Variants in TYW1 observed in about 807,000 individuals in gnomAD.
The protein encoded by TYW1 is tRNA-yW synthesizing protein 1 homolog, also known as S-adenosyl-L-methionine-dependent tRNA 4-demethylwyosine synthase TYW1.
In TYW1, 46 loss-of-function variants were observed where a neutral mutation model predicts 96.2. The observed-to-expected ratio is 0.48, with a 90% CI of 0.38 to 0.61. The LOEUF is 0.61. Among genes scored for constraint, TYW1 ranks in the 20% least tolerant of loss-of-function variants. TYW1 has a pLI of 0.00. For missense variants in TYW1, 684 were observed against 909.6 expected, an observed-to-expected ratio of 0.75 and a Z score of 3.19; for synonymous variants, 274 against 323.0, an observed-to-expected ratio of 0.85 and a Z score of 1.63.
At chr7:67,204,888 A>G (rs36005420) in intron 15 of TYW1, among the ~76,000 whole-genome samples, 2,129 of 152,208 alleles carry the variant, frequency 0.014, 49 homozygotes, top group African/African-American at 0.049. Flanking sequence ...CGCCCAGCCA[A>G]CTTTCTATTT....
chr7:67,059,961 C>G (rs901773235), intron 9 of TYW1, among the ~76,000 whole-genome samples: 1 of 151,808 alleles, frequency 6.6e-6, no homozygotes, highest in African/African-American at 2.4e-5. Flanking sequence ...TTAGTAGAGA[C>G]AGGGTTTCAC....
In TYW1 at chr7:67,062,566, C is replaced by CAAAAAAAAAAAAA. The variant is rs56770876; in HGVS notation, c.1156-4716_1156-4704dup. On this transcript the variant is annotated intron_variant, in intron 9 of 15. Coordinates refer to ENST00000359626, the MANE Select transcript of TYW1 (RefSeq NM_018264.4). ...TGGGTGACAGAGCGAGACTCCGTCTCAAAAAAAAAAAAAAAGAAAAGAAAA... is the reference window on the plus strand; with the variant it reads ...TGGGTGACAGAGCGAGACTCCGTCTCAAAAAAAAAAAAAAAAAAAAAAAAAAAAGAAAAGAAAA... Among the ~76,000 whole-genome samples the CAAAAAAAAAAAAA allele has an allele frequency of 2.1e-3, 190 of 89,040 alleles. 2 individuals are homozygous for CAAAAAAAAAAAAA. Among genetic ancestry groups the CAAAAAAAAAAAAA allele is most frequent in the African/African-American group, 3.9e-3 (86 of 22,240 alleles). The allele number at this position is 89,040 out of a possible 152,430, so 58.4% of individuals were successfully genotyped here.
At chr7:67,204,557 C>CTCT (rs1563070097) in intron 15 of TYW1, among the ~76,000 whole-genome samples, 1 of 137,708 alleles carries the variant, frequency 7.3e-6, no homozygotes, top group Admixed American at 7.4e-5. Flanking sequence ...TCTTCTTCTT[C>CTCT]TTCTTTCTTC....
In TYW1 at chr7:67,014,432, T is replaced by C; in HGVS notation, c.441T>C (p.Ser147=). 3 of 1,613,984 alleles carry C rather than the reference T, an allele frequency of 1.9e-6. No individual in the cohort carries two copies. Among genetic ancestry groups the C allele is most frequent in the South Asian group, 2.2e-5 (2 of 91,078 alleles). Residue 147 remains serine, a synonymous_variant, in exon 5 of 16, where the codon AGT becomes AGC. Coordinates refer to ENST00000359626, the MANE Select transcript of TYW1 (RefSeq NM_018264.4). The stretch of plus-strand genomic sequence containing the variant: ...ACACTGACGGCCTACCAACTGAAAG[T>C]GCAGAGTGGTTCTGCAAATGGTTAG... The part of the protein sequence containing the change: ...ATYTDGLPTE[S]AEWFCKWLEE...
intron 13 of TYW1, among the ~76,000 whole-genome samples, chr7:67,119,211 C>A (rs6951192): frequency 1.3e-5 from 2 of 151,572 alleles, no homozygotes; most frequent in East Asian, 3.9e-4. Flanking sequence ...GACAATCACC[C>A]CAGGAGCTTA....
chr7:67,096,647 TG>T (rs369202714), intron 11 of TYW1, among the ~76,000 whole-genome samples: 6,061 of 150,936 alleles, frequency 0.04, 179 homozygotes, highest in Middle Eastern at 0.1. Flanking sequence ...ACTTGTGTCA[TG>T]GGGGTTTGTT....
chr7:67,110,534 A>C (rs1797371010), intron 12 of TYW1, among the ~76,000 whole-genome samples: 1 of 152,266 alleles, frequency 6.6e-6, no homozygotes, highest in African/African-American at 2.4e-5. Flanking sequence ...TTCAGTGGCC[A>C]AACACAACAA....
At chr7:67,098,838 G>A in intron 12 of TYW1, 120 bp downstream of exon 12, 7 of 1,159,774 alleles carry the variant, frequency 6.0e-6, no homozygotes, top group Non-Finnish European at 8.3e-6. Context: ...TACAAATGTT[G>A]GGCTTTGGGA....
At chr7:67,178,182 G>C (rs2116286008) in intron 13 of TYW1, among the ~76,000 whole-genome samples, 1 of 151,480 alleles carries the variant, frequency 6.6e-6, no homozygotes, top group South Asian at 2.1e-4. Context: ...AAAAAAAACA[G>C]GAGGTGGGGA....
At chr7:67,083,297 T>C (rs1365608085) in intron 10 of TYW1, 133 bp from the exon 11 acceptor site, 16 of 760,800 alleles carry the variant, frequency 2.1e-5, no homozygotes, top group Non-Finnish European at 3.4e-5. Flanking sequence ...AAAATACCAC[T>C]ATACATGGTT....
intron 10 of TYW1, among the ~76,000 whole-genome samples, chr7:67,083,150 T>C (rs1796437553): frequency 2.0e-5 from 3 of 152,194 alleles, no homozygotes; most frequent in Non-Finnish European, 2.9e-5. Context: ...ACAGTTAACA[T>C]GGTTAAAGCA....
In TYW1 at chr7:67,187,146, C is replaced by T. The variant is rs1019341601; in HGVS notation, c.1809+3910C>T. The stretch of plus-strand genomic sequence containing the variant: ...TGGCACAATCTCGGTTCACTGCAAC[C>T]GCCGCCTCCTGGGTTCAAGCAGTTC... On this transcript the variant is annotated intron_variant, in intron 14 of 15. Transcript: ENST00000359626. Among the ~76,000 whole-genome samples the T allele has an allele frequency of 9.3e-5, 14 of 149,772 alleles. No individual in the cohort carries two copies. The East Asian group carries it at 2.4e-3, about 25-fold the overall frequency.
chr7:67,032,782 G>A (rs2129251262), intron 7 of TYW1, among the ~76,000 whole-genome samples: 1 of 151,474 alleles, frequency 6.6e-6, no homozygotes, highest in African/African-American at 2.4e-5. Context: ...TCCCTGGCAA[G>A]TCCCTTGCGC....
intron 12 of TYW1, among the ~76,000 whole-genome samples, chr7:67,101,625 C>T (rs1797091555): frequency 6.6e-6 from 1 of 152,102 alleles, no homozygotes; most frequent in Non-Finnish European, 1.5e-5. Flanking sequence ...AAGCGATTCT[C>T]CTGCCTCAGT....
chr7:67,054,568 T>C (rs1035946547), intron 8 of TYW1, among the ~76,000 whole-genome samples: 1 of 152,234 alleles, frequency 6.6e-6, no homozygotes, highest in African/African-American at 2.4e-5. Flanking sequence ...GACAAAGCCC[T>C]GTAAATGTTA....
chr7:67,149,914 T>C (rs1158297675), intron 13 of TYW1, among the ~76,000 whole-genome samples: 4 of 151,946 alleles, frequency 2.6e-5, no homozygotes, highest in Non-Finnish European at 2.9e-5. Context: ...TTCACTCTTA[T>C]CTGTTGACTC....
chr7:67,185,692 A>C (rs2116314768), intron 14 of TYW1, among the ~76,000 whole-genome samples: 1 of 152,098 alleles, frequency 6.6e-6, no homozygotes, highest in South Asian at 2.1e-4. Flanking sequence ...TAGAAGTTTA[A>C]ATAGATCATA....
chr7:67,112,041 G>A (rs1270012434), intron 12 of TYW1, among the ~76,000 whole-genome samples: 2 of 149,656 alleles, frequency 1.3e-5, no homozygotes, highest in Admixed American at 1.4e-4. Context: ...AGAGGTTGCA[G>A]TGGGCCAAGA....
At chr7:67,117,352 GGGAAGT>G in intron 12 of TYW1, 125 bp from the exon 13 acceptor site, 1 of 972,850 alleles carries the variant, frequency 1.0e-6, no homozygotes, top group East Asian at 3.0e-5. Context: ...AGTCTTTTGG[GGGAAGT>G]GGAAGTCTCT....
Sources: allele counts gnomAD v4.1 joint callset (sites outside exome capture counted in the v4.1 genomes callset), GRCh38; gene constraint gnomAD v4.1.1; transcripts MANE v1.5; gene names NCBI Gene and HGNC (gene_info 2026-07-23, HGNC 2026-07-21).